Variants in RNF180 observed in about 807,000 individuals in gnomAD.
RNF180 encodes the protein E3 ubiquitin-protein ligase RNF180.
A neutral mutation model predicts 59.2 loss-of-function variants in RNF180; 38 were observed. The ratio of observed to expected loss-of-function variants is 0.64; its 90% CI spans 0.50 to 0.84. RNF180 has a LOEUF of 0.84. RNF180 is among the 40% of genes least tolerant of loss of function. RNF180 has a pLI of 0.00. For missense variants in RNF180, 705 were observed against 700.9 expected (o/e 1.01, Z -0.07); for synonymous variants, 262 against 240.3 (o/e 1.09, Z -0.84).
chr5:64,306,766 T>C (rs544440491), intron 5 of RNF180, among the ~76,000 whole-genome samples: 3 of 151,240 alleles, frequency 2.0e-5, no homozygotes, highest in East Asian at 3.9e-4. Context: ...TAGGTGGGAA[T>C]TGAACAATGA....
intron 2 of RNF180, among the ~76,000 whole-genome samples, chr5:64,211,066 G>C (rs544750123): frequency 9.2e-5 from 14 of 152,126 alleles, no homozygotes; most frequent in Non-Finnish European, 1.9e-4. Context: ...TCTTTGGTGA[G>C]TCAGCTTCTG....
chr5:64,239,265 C>G (rs533551726), intron 5 of RNF180, among the ~76,000 whole-genome samples: 3 of 152,242 alleles, frequency 2.0e-5, no homozygotes, highest in Admixed American at 6.5e-5. Flanking sequence ...TAGAAACATA[C>G]GTACCTACTG....
At chr5:64,262,834 T>G (rs1744423562) in intron 5 of RNF180, among the ~76,000 whole-genome samples, 2 of 152,294 alleles carry the variant, frequency 1.3e-5, no homozygotes, top group South Asian at 2.1e-4. Flanking sequence ...ATTTTCCCTC[T>G]AACCTTCCCT....
At chr5:64,210,593 TA>T (rs894006660) in intron 2 of RNF180, among the ~76,000 whole-genome samples, 36 of 152,296 alleles carry the variant, frequency 2.4e-4, no homozygotes, top group African/African-American at 8.4e-4. Context: ...GAATGTGACT[TA>T]AAGTTTCTCT....
Position 64,251,688 on chromosome 5 carries a change from C to T in RNF180, c.1227+34292C>T, listed in dbSNP as rs185787749. Among the ~76,000 whole-genome samples the T allele has an allele frequency of 4.6e-5, 7 of 152,184 alleles. No homozygotes were observed. In the East Asian group the frequency reaches 1.2e-3, roughly 25 times the overall value. On this transcript the variant is annotated intron_variant, in intron 5 of 7. Coordinates refer to ENST00000389100, the MANE Select transcript of RNF180 (RefSeq NM_001113561.2). The stretch of plus-strand genomic sequence containing the variant: ...CACCTTGGCCTCCCAGGTGACGTTG[C>T]CTTATACACAGAAAATCTTAAAGAC...
Position 64,371,440 on chromosome 5 carries a change from T to C in RNF180, c.*1626T>C, listed in dbSNP as rs2112626001. ...CTTCTGGTTTATACACTCTAGAAAA[T>C]ATATCTTGATTCATTCCTAAATCAC... On this transcript the variant is annotated 3_prime_UTR_variant, in exon 8 of 8. Coordinates refer to ENST00000389100, the MANE Select transcript of RNF180 (RefSeq NM_001113561.2). The C allele has an allele frequency of 6.6e-6, 1 of 151,666 alleles. No homozygotes were observed. The highest frequency in any genetic ancestry group is 2.1e-4 in the South Asian group (1 of 4,832). The allele number at this position is 151,666 out of a possible 1,614,324, so 9.4% of individuals were successfully genotyped here.
chr5:64,321,055 G>T (rs1315589463), intron 5 of RNF180, among the ~76,000 whole-genome samples: 1 of 151,774 alleles, frequency 6.6e-6, no homozygotes, highest in Non-Finnish European at 1.5e-5. Context: ...AAAAGGGAAA[G>T]AAAAATTATG....
At chr5:64,178,369 A>C (rs775961870) in intron 1 of RNF180, among the ~76,000 whole-genome samples, 36 of 152,162 alleles carry the variant, frequency 2.4e-4, no homozygotes, top group Non-Finnish European at 4.9e-4. Context: ...GGAAGCCAAA[A>C]GGCAAGAGAG....
chr5:64,177,543 A>ATATC (rs1204455196), intron 1 of RNF180, among the ~76,000 whole-genome samples: 1 of 47,470 alleles, frequency 2.1e-5, no homozygotes, highest in East Asian at 3.5e-4. Flanking sequence ...ATATATATAT[A>ATATC]TATATATATA....
At chr5:64,277,387 T>C (rs535752361) in intron 5 of RNF180, among the ~76,000 whole-genome samples, 2 of 152,268 alleles carry the variant, frequency 1.3e-5, no homozygotes, top group South Asian at 2.1e-4. Flanking sequence ...TGCTGACTTA[T>C]ATTCATGGTA....
intron 5 of RNF180, among the ~76,000 whole-genome samples, chr5:64,248,595 G>T (rs1414109783): frequency 6.6e-6 from 1 of 152,176 alleles, no homozygotes; most frequent in Non-Finnish European, 1.5e-5. Context: ...TCATTAAAAA[G>T]TCAGGAATCA....
intron 5 of RNF180, among the ~76,000 whole-genome samples, chr5:64,291,980 A>AG (rs759808951): frequency 2.0e-4 from 31 of 152,090 alleles, no homozygotes; most frequent in Non-Finnish European, 3.7e-4. Context: ...TAGCTCCATC[A>AG]GGTCAGTTAT....
At chr5:64,275,536 C>A (rs1741667717) in intron 5 of RNF180, among the ~76,000 whole-genome samples, 1 of 151,586 alleles carries the variant, frequency 6.6e-6, no homozygotes, top group Non-Finnish European at 1.5e-5. Context: ...CTTTTTATTA[C>A]TTTTAATTAA....
chr5:64,315,282 CA>C (rs1423694944), intron 5 of RNF180, among the ~76,000 whole-genome samples: 2 of 152,158 alleles, frequency 1.3e-5, no homozygotes, highest in African/African-American at 4.8e-5. Flanking sequence ...TGATTGGCAG[CA>C]AATACCGTCA....
chr5:64,253,491 T>C (rs1227284698), intron 5 of RNF180, among the ~76,000 whole-genome samples: 1 of 152,130 alleles, frequency 6.6e-6, no homozygotes, highest in East Asian at 1.9e-4. Context: ...TTTGGAGAAA[T>C]AAAATTTGAT....
chr5:64,327,117 T>C lies in RNF180; in HGVS notation c.1453+1706T>C, dbSNP rs2112527828. Among the ~76,000 whole-genome samples the C allele has an allele frequency of 2.0e-5, 3 of 152,276 alleles. No individual in the cohort carries two copies. In the Middle Eastern group the frequency reaches 0.01, roughly 518 times the overall value. ...TTTTGTTGTTCATAGTAGTCTTTAA[T>C]GGTCCTTTGTATTTGGTATGTGTTG... On this transcript the variant is annotated intron_variant, in intron 6 of 7. Coordinates refer to ENST00000389100, the MANE Select transcript of RNF180 (RefSeq NM_001113561.2).
intron 7 of RNF180, among the ~76,000 whole-genome samples, chr5:64,347,644 CAT>C (rs1745607380): frequency 6.6e-6 from 1 of 152,090 alleles, no homozygotes. Context: ...GATATATACT[CAT>C]AAATTTCAGC....
intron 7 of RNF180, among the ~76,000 whole-genome samples, chr5:64,369,166 T>G (rs1224974304): frequency 6.6e-6 from 1 of 151,998 alleles, no homozygotes; most frequent in Non-Finnish European, 1.5e-5. Context: ...TGTGGGGACA[T>G]GGATGAAATA....
At chr5:64,338,308 C>T (rs957007483) in intron 7 of RNF180, among the ~76,000 whole-genome samples, 6 of 152,064 alleles carry the variant, frequency 3.9e-5, no homozygotes, top group East Asian at 3.9e-4. Context: ...TGATTTTGAA[C>T]GGAAAAAGTA....
Sources: allele counts gnomAD v4.1 joint callset (sites outside exome capture counted in the v4.1 genomes callset), GRCh38; gene constraint gnomAD v4.1.1; transcripts MANE v1.5; gene names NCBI Gene and HGNC (gene_info 2026-07-23, HGNC 2026-07-21).